MEP1B: variants seen among roughly 807,000 people sequenced by gnomAD.
The protein encoded by MEP1B is meprin A subunit beta, also known as N-benzoyl-L-tyrosyl-P-amino-benzoic acid hydrolase subunit beta.
MEP1B carries 80 observed loss-of-function variants against 84.6 expected under a neutral mutation model. The observed-to-expected ratio is 0.95, with a 90% CI of 0.79 to 1.14. MEP1B has a LOEUF of 1.14. MEP1B is among the 50% of genes most tolerant of loss of function. MEP1B has a pLI of 0.00. For synonymous variants in MEP1B, 273 were observed against 288.1 expected (o/e 0.95, Z 0.53); for missense variants, 766 against 855.1 (o/e 0.90, Z 1.30).
At chr18:32,213,682 A>G in intron 11 of MEP1B, 123 bp downstream of exon 11, 1 of 704,590 alleles carries the variant, frequency 1.4e-6, no homozygotes, top group South Asian at 1.9e-5. Context: ...AATCTTAAGA[A>G]CAGATATTTA....
In MEP1B at chr18:32,202,142, T is replaced by A. The variant is rs558423561; in HGVS notation, c.251-751T>A. On this transcript the variant is annotated intron_variant, in intron 5 of 14. Coordinates refer to ENST00000269202, the MANE Select transcript of MEP1B (RefSeq NM_005925.3). ...GTGTCTGGCTCCAAAGTCCAAGCAC[T>A]TTCCCCTCTGCCATACTGTCTCCCA... 3.3e-5 allele frequency among the ~76,000 whole-genome samples: 5 copies of A among 152,284 alleles called. No homozygotes were observed. In the South Asian group the frequency reaches 1.0e-3, roughly 32 times the overall value.
chr18:32,204,718 AC>A (rs2040947197), intron 7 of MEP1B, among the ~76,000 whole-genome samples: 1 of 152,162 alleles, frequency 6.6e-6, no homozygotes, highest in African/African-American at 2.4e-5. Context: ...TTTATAAAGA[AC>A]TGAAATTTAT....
chr18:32,213,032 T>G (rs2144422460), intron 10 of MEP1B, 84 bp from the exon 11 acceptor site: 1 of 1,316,018 alleles, frequency 7.6e-7, no homozygotes, highest in South Asian at 1.4e-5. Flanking sequence ...GATGACCCTT[T>G]GTCTAAGAAG....
chr18:32,215,359 T>C, intron 12 of MEP1B, 98 bp downstream of exon 12: 1 of 736,320 alleles, frequency 1.4e-6, no homozygotes, highest in Non-Finnish European at 2.1e-6. Context: ...TTTAGATGTA[T>C]TATATAGAGA....
At position 32,217,658 on chromosome 18, in the gene MEP1B, T is replaced by C. The variant is rs2041106159; in HGVS notation, c.1887-103T>C. On this transcript the variant is annotated intron_variant, in intron 13 of 14. Coordinates refer to ENST00000269202, the MANE Select transcript of MEP1B (RefSeq NM_005925.3). ...AAAATAGTTTCATATAGCAATGACC[T>C]ATTGGTGATCAAATAGACTAAAGGT... 5 of 927,552 alleles carry C rather than the reference T, an allele frequency of 5.4e-6. No homozygotes were observed. The South Asian group carries it at 7.1e-5, about 13-fold the overall frequency. 57.5% of individuals were successfully genotyped at this position (927,552 alleles called of 1,614,324 possible).
At chr18:32,201,448 C>T (rs1418421620) in intron 5 of MEP1B, among the ~76,000 whole-genome samples, 2 of 151,958 alleles carry the variant, frequency 1.3e-5, no homozygotes, top group African/African-American at 2.4e-5. Flanking sequence ...TATGTGGTGG[C>T]AATTTATTTT....
chr18:32,196,362 G>C lies in MEP1B; in HGVS notation c.250+877G>C. 1.4e-6 allele frequency: 1 copy of C among 701,494 alleles called. No homozygotes were observed. Among genetic ancestry groups the C allele is most frequent in the Non-Finnish European group, 2.7e-6 (1 of 377,232 alleles). 43.5% of individuals were successfully genotyped at this position (701,494 alleles called of 1,614,324 possible). A position where few individuals can be genotyped will look rare whatever the true frequency, so the allele number is the denominator to read the frequency against. ...CGCGCCGCAGGGCCACGGCCAGCTG[G>C]GTCAGGCACTTGAGGTACTCAGAGC... On this transcript the variant is annotated intron_variant, in intron 5 of 14. Coordinates refer to ENST00000269202, the MANE Select transcript of MEP1B (RefSeq NM_005925.3). This position sits in a 1 kb window ranked among gnomAD's most constrained non-coding sequence, Gnocchi z 4.4.
In MEP1B at chr18:32,210,621, A is replaced by G; in HGVS notation, c.1040A>G (p.Asn347Ser). The stretch of plus-strand genomic sequence containing the variant: ...CAGTGCCTGCAATTTTACTTATATA[A>G]CAGTGGCAGTGAAAGTGATCAACTG... Reference protein sequence around the residue: ...GFQCLQFYLYNSGSESDQLNI... With the variant: ...GFQCLQFYLYSSGSESDQLNI... The change falls in exon 10 of 15, where the codon AAC becomes AGC. Residue 347 changes from asparagine to serine, a missense_variant. Transcript: ENST00000269202. 1.2e-6 allele frequency: 2 copies of G among 1,614,000 alleles called. No individual in the cohort carries two copies. Among genetic ancestry groups the G allele is most frequent in the South Asian group, 1.1e-5 (1 of 91,076 alleles).
intron 12 of MEP1B, among the ~76,000 whole-genome samples, chr18:32,215,969 C>CATATATATATATAT (rs10522884): frequency 4.4e-5 from 6 of 134,950 alleles, no homozygotes; most frequent in Non-Finnish European, 9.7e-5. Flanking sequence ...TACATATATG[C>CATATATATATATAT]ATATATATAT....
chr18:32,203,152 T>G (rs2040929931), intron 6 of MEP1B, 142 bp downstream of exon 6: 1 of 532,454 alleles, frequency 1.9e-6, no homozygotes, highest in Non-Finnish European at 3.3e-6. Context: ...AAAAAACAAC[T>G]GGATCTAGTT....
At chr18:32,197,769 G>A (rs1047840811) in intron 5 of MEP1B, among the ~76,000 whole-genome samples, 8 of 152,136 alleles carry the variant, frequency 5.3e-5, no homozygotes, top group Non-Finnish European at 1.0e-4. Flanking sequence ...CAGTGGGTAC[G>A]TGTGCAGGTT....
intron 14 of MEP1B, among the ~76,000 whole-genome samples, chr18:32,218,342 G>T (rs974458649): frequency 6.6e-6 from 1 of 152,184 alleles, no homozygotes; most frequent in Non-Finnish European, 1.5e-5. Context: ...GTCTTGTAGT[G>T]GTGGTGAGCT....
chr18:32,208,067 C>T, intron 8 of MEP1B, 52 bp from the exon 9 acceptor site: 1 of 1,584,362 alleles, frequency 6.3e-7, no homozygotes, highest in Non-Finnish European at 8.6e-7. Context: ...GTTTTTGTTA[C>T]TTAGATTATC....
At chr18:32,219,370 G>T (rs1020413375) in intron 14 of MEP1B, among the ~76,000 whole-genome samples, 2 of 152,142 alleles carry the variant, frequency 1.3e-5, no homozygotes, top group Non-Finnish European at 2.9e-5. Context: ...TATTAGAAAA[G>T]TATTTAAAAT....
chr18:32,194,724 C>A (rs865781223), intron 4 of MEP1B, among the ~76,000 whole-genome samples: 1 of 152,156 alleles, frequency 6.6e-6, no homozygotes, highest in Non-Finnish European at 1.5e-5. Context: ...CCTTCATAGA[C>A]GACTGTCCTG....
intron 9 of MEP1B, among the ~76,000 whole-genome samples, chr18:32,210,041 G>A (rs1053552043): frequency 6.6e-5 from 10 of 152,168 alleles, no homozygotes; most frequent in African/African-American, 2.4e-4. Flanking sequence ...ACCCTCTGTA[G>A]CATCTTTGTC....
chr18:32,203,020 A>G lies in MEP1B; in HGVS notation c.368+10A>G. ...TGTTCAAGGGCAGTGGGTAAGTTGC[A>G]GACTTAGTCTTCTAAGGCATCTAAG... On this transcript the variant is annotated intron_variant, in intron 6 of 14. Transcript: ENST00000269202. 1.3e-6 allele frequency: 2 copies of G among 1,511,274 alleles called. No individual in the cohort carries two copies. Among genetic ancestry groups the G allele is most frequent in the South Asian group, 2.3e-5 (2 of 86,532 alleles). 93.6% of individuals were successfully genotyped at this position (1,511,274 alleles called of 1,614,324 possible). A position where few individuals can be genotyped will look rare whatever the true frequency, so the allele number is the denominator to read the frequency against.
In MEP1B at chr18:32,204,176, T is replaced by C; in HGVS notation, c.369-6T>C. The C allele has an allele frequency of 6.2e-7, 1 of 1,602,238 alleles. No individual in the cohort carries two copies. The highest frequency in any genetic ancestry group is 8.5e-7 in the Non-Finnish European group (1 of 1,174,262). ...CTTCCCCCTTTCTTGTAAACTCTCC[T>C]GTAAGCTGCTGGTCTTCAGTAGGAA... On this transcript the variant is annotated splice_region_variant and splice_polypyrimidine_tract_variant and intron_variant, in intron 6 of 14. Transcript: ENST00000269202.
intron 11 of MEP1B, among the ~76,000 whole-genome samples, chr18:32,214,462 A>G (rs762852081): frequency 6.6e-6 from 1 of 152,190 alleles, no homozygotes; most frequent in Non-Finnish European, 1.5e-5. Flanking sequence ...ATATTCACCA[A>G]TGGAATTGTA....
Sources: allele counts gnomAD v4.1 joint callset (sites outside exome capture counted in the v4.1 genomes callset), GRCh38; gene constraint gnomAD v4.1.1; non-coding constraint Gnocchi (gnomAD v3.1); transcripts MANE v1.5; gene names NCBI Gene and HGNC (gene_info 2026-07-23, HGNC 2026-07-21).